ABCA8: variants seen among roughly 807,000 people sequenced by gnomAD.
ABCA8 encodes the protein ABC-type organic anion transporter ABCA8.
A neutral mutation model predicts 192.3 loss-of-function variants in ABCA8; 177 were observed. The observed-to-expected ratio is 0.92, with a 90% CI of 0.81 to 1.04. The LOEUF (loss-of-function observed/expected upper bound fraction) is 1.04. Among genes scored for constraint, ABCA8 ranks in the 50% least tolerant of loss-of-function variants. ABCA8 has a pLI of 0.00. For synonymous variants in ABCA8, 642 were observed against 690.2 expected (o/e 0.93, Z 1.09); for missense variants, 1,915 against 1,904.8 (o/e 1.01, Z -0.10).
chr17:68,874,548 A>G (rs1462589013), intron 37 of ABCA8, among the ~76,000 whole-genome samples: 3 of 152,322 alleles, frequency 2.0e-5, no homozygotes, highest in African/African-American at 4.8e-5. Context: ...CTGTGGCTTC[A>G]TGATGTATTT....
intron 17 of ABCA8, among the ~76,000 whole-genome samples, chr17:68,910,718 A>T (rs1415488111): frequency 6.6e-6 from 1 of 151,998 alleles, no homozygotes; most frequent in African/African-American, 2.4e-5. Flanking sequence ...AGTAAATAGG[A>T]TTTTGTTTTC....
intron 29 of ABCA8, 137 bp from the exon 30 acceptor site, chr17:68,882,856 C>T: frequency 1.5e-6 from 1 of 685,620 alleles, no homozygotes; most frequent in Non-Finnish European, 2.3e-6. Context: ...CTCTCATCCC[C>T]TTAAAACCTC....
At chr17:68,888,203 G>A (rs1035265201) in intron 24 of ABCA8, among the ~76,000 whole-genome samples, 4 of 151,224 alleles carry the variant, frequency 2.6e-5, no homozygotes, top group African/African-American at 9.7e-5. Context: ...AAATATTTAT[G>A]TGTATCTACA....
chr17:68,922,353 TC>T, intron 11 of ABCA8, 53 bp from the exon 12 acceptor site: 2 of 1,213,248 alleles, frequency 1.6e-6, no homozygotes, highest in Non-Finnish European at 2.3e-6. Flanking sequence ...GTTTGTAATT[TC>T]CAGTTTGGTA....
intron 24 of ABCA8, among the ~76,000 whole-genome samples, chr17:68,890,989 TAAG>T (rs1408985500): frequency 6.6e-6 from 1 of 152,266 alleles, no homozygotes; most frequent in Non-Finnish European, 1.5e-5. Flanking sequence ...TGACGGATGT[TAAG>T]AACATTTTTC....
rs757030835 is a variant in ABCA8 at position 68,875,702 on chromosome 17, C to T, written c.4402G>A (p.Glu1468Lys). The T allele has an allele frequency of 3.1e-6, 5 of 1,614,074 alleles. No homozygotes were observed. The highest frequency in any genetic ancestry group is 4.2e-6 in the Non-Finnish European group (5 of 1,179,990). ...QAIRATFRNT[E>K]RGALLTTHYM... is the part of the protein sequence containing the mutation. ...TGGGTGGTTAGGAGGGCACCCCTTT[C>T]CGTGTTTCTAAAGGTGGCCCGGATG... The change falls in exon 36 of 40, where the codon GAA becomes AAA. Residue 1468 changes from glutamate to lysine, a missense_variant. Glu to Lys is a moderately conservative substitution (Grantham distance 56). Coordinates refer to ENST00000586539, the MANE Select transcript of ABCA8 (RefSeq NM_001288985.2).
At chr17:68,912,641 A>C (rs1181883577) in intron 17 of ABCA8, among the ~76,000 whole-genome samples, 4 of 152,240 alleles carry the variant, frequency 2.6e-5, no homozygotes, top group Admixed American at 1.3e-4. Flanking sequence ...CCATAGAAAG[A>C]GAAAAAGAAT....
Position 68,868,190 on chromosome 17 carries a change from G to C in ABCA8, c.4768-7C>G, listed in dbSNP as rs762943455. 1.9e-6 allele frequency: 3 copies of C among 1,612,286 alleles called. No homozygotes were observed. In the Admixed American group the frequency reaches 5.0e-5, roughly 27 times the overall value. On this transcript the variant is annotated splice_region_variant and splice_polypyrimidine_tract_variant and intron_variant, in intron 39 of 39. Coordinates refer to ENST00000586539, the MANE Select transcript of ABCA8 (RefSeq NM_001288985.2). The stretch of plus-strand genomic sequence containing the variant: ...TGGAGAGCTCCAGGAAAACCTGAAA[G>C]GGAGGAAGGAAATAAAGAGAGGAGA...
In ABCA8 at chr17:68,929,203, A is replaced by G. The variant is rs1567870734; in HGVS notation, c.971T>C (p.Val324Ala). 3 of 1,603,168 alleles carry G rather than the reference A, an allele frequency of 1.9e-6. No homozygotes were observed. In the African/African-American group the frequency reaches 4.0e-5, roughly 21 times the overall value. The change falls in exon 9 of 40, where the codon GTA (valine) becomes GCA (alanine). Residue 324 changes from valine (V) to alanine (A), a missense_variant. Transcript: ENST00000586539. ...CAGGCCGGTGAGGAAAGATTTCTTT[A>G]CCAAGATGCTCATTAAGAAAGCCAA... is the stretch of plus-strand genomic sequence containing the variant. The part of the protein sequence containing the change: ...VALAFLMSIL[V>A]KKSFLTGLVV...
chr17:68,877,418 G>A lies in ABCA8; in HGVS notation c.4199+101C>T, dbSNP rs1210571913. ...AATCTACCCAGTGTGACCTGGGTCA[G>A]CATTTAGAGTCTCCCATCCTGAATT... On this transcript the variant is annotated intron_variant, in intron 33 of 39. Coordinates refer to ENST00000586539, the MANE Select transcript of ABCA8 (RefSeq NM_001288985.2). 1.6e-5 allele frequency: 18 copies of A among 1,146,692 alleles called. No individual in the cohort carries two copies. The East Asian group carries it at 4.6e-4, about 29-fold the overall frequency. 71.0% of individuals were successfully genotyped at this position (1,146,692 alleles called of 1,614,324 possible).
chr17:68,906,986 G>T (rs940864640), intron 18 of ABCA8, among the ~76,000 whole-genome samples: 1 of 152,010 alleles, frequency 6.6e-6, no homozygotes, highest in South Asian at 2.1e-4. Flanking sequence ...AAAAGGATAG[G>T]TTAAAAGCTT....
At chr17:68,891,345 C>A in intron 24 of ABCA8, 144 bp downstream of exon 24, 1 of 542,960 alleles carries the variant, frequency 1.8e-6, no homozygotes, top group South Asian at 2.7e-5. Flanking sequence ...ACTTATAAAA[C>A]TTTCTTTCAT....
At chr17:68,900,709 G>T (rs2066884893) in intron 21 of ABCA8, among the ~76,000 whole-genome samples, 1 of 151,886 alleles carries the variant, frequency 6.6e-6, no homozygotes, top group East Asian at 1.9e-4. Context: ...AATCAAATCT[G>T]GGAGAAAATG....
chr17:68,900,327 T>C (rs1012757262), intron 21 of ABCA8, among the ~76,000 whole-genome samples: 12 of 151,828 alleles, frequency 7.9e-5, no homozygotes, highest in Middle Eastern at 3.2e-3. Context: ...TAACAACAAA[T>C]TAGATAATAT....
intron 2 of ABCA8, among the ~76,000 whole-genome samples, chr17:68,945,276 G>A (rs937282935): frequency 1.6e-4 from 24 of 151,966 alleles, no homozygotes; most frequent in Non-Finnish European, 2.2e-4. Context: ...TTTGAGCGTC[G>A]TCTTATATGT....
chr17:68,891,131 A>G (rs2066613263), intron 24 of ABCA8, among the ~76,000 whole-genome samples: 1 of 152,136 alleles, frequency 6.6e-6, no homozygotes, highest in Non-Finnish European at 1.5e-5. Flanking sequence ...TGAAATGTCT[A>G]TTTCATTTAA....
chr17:68,876,532 A>G lies in ABCA8; in HGVS notation c.4298T>C (p.Leu1433Pro). 1.2e-6 allele frequency: 2 copies of G among 1,614,122 alleles called. No individual in the cohort carries two copies. The highest frequency in any genetic ancestry group is 1.7e-6 in the Non-Finnish European group (2 of 1,179,986). The change falls in exon 35 of 40, where the codon CTG becomes CCG. Residue 1433 changes from leucine (L) to proline (P), a missense_variant. Coordinates refer to ENST00000586539, the MANE Select transcript of ABCA8 (RefSeq NM_001288985.2). The part of the protein sequence containing the change: ...KRKLCFVLSI[L>P]GNPSVVLLDE... ...CAGAAGCACCACTGACGGGTTCCCC[A>G]GTATGCTCAGGACAAAGCACAGCTG...
chr17:68,893,858 G>T (rs1004932142), intron 23 of ABCA8, among the ~76,000 whole-genome samples: 9 of 148,726 alleles, frequency 6.1e-5, no homozygotes, highest in African/African-American at 2.2e-4. Flanking sequence ...CTAGCATTAG[G>T]TATATCTCCC....
chr17:68,921,603 A>T (rs2067535963), intron 12 of ABCA8, 111 bp from the exon 13 acceptor site: 6 of 564,166 alleles, frequency 1.1e-5, no homozygotes, highest in Non-Finnish European at 1.8e-5. Context: ...AATTCTCTTG[A>T]ATGGTTGTCT....
Sources: allele counts gnomAD v4.1 joint callset (sites outside exome capture counted in the v4.1 genomes callset), GRCh38; gene constraint gnomAD v4.1.1; transcripts MANE v1.5; gene names NCBI Gene and HGNC (gene_info 2026-07-23, HGNC 2026-07-21).